SACS: variants seen among roughly 807,000 people sequenced by gnomAD.
SACS encodes sacsin molecular chaperone, also known as sacsin.
SACS carries 197 observed loss-of-function variants against 348.0 expected under a neutral mutation model. The ratio of observed to expected loss-of-function variants is 0.57; its 90% CI spans 0.50 to 0.64. SACS has a LOEUF of 0.64. Ranked by LOEUF, SACS falls within the 30% of genes least tolerant of loss-of-function variation. The probability of loss-of-function intolerance (pLI) is 0.00; values close to 1 mark genes in which losing one functional copy is unlikely to be tolerated. For missense variants in SACS, 4,999 were observed against 5,360.8 expected (o/e 0.93, Z 2.11); for synonymous variants, 1,985 against 1,910.6 (o/e 1.04, Z -1.02).
rs767207363 is a variant in SACS at position 23,336,999 on chromosome 13, C to T, written c.6877G>A (p.Val2293Ile). Residue 2293 changes from valine (V) to isoleucine (I), a missense_variant, in exon 10 of 10, where the codon GTT (valine) becomes ATT (isoleucine). Val to Ile is a conservative substitution (Grantham distance 29). Coordinates refer to ENST00000382292, the MANE Select transcript of SACS (RefSeq NM_014363.6). ...GCTACTTCTTTCAATTGGTTTATAA[C>T]CAGATCAACTGTTGGCTTCTTGAGT... The part of the protein sequence containing the change: ...GLLKKPTVDL[V>I]INQLKEVAKS... 3 of 1,613,828 alleles carry T rather than the reference C, an allele frequency of 1.9e-6. No individual in the cohort carries two copies.
In SACS at chr13:23,336,856, C is replaced by G. The variant is rs1389589899; in HGVS notation, c.7020G>C (p.Lys2340Asn). ...CTAGAATGAAGCTAAAGGGTTTTAA[C>G]TTATCAATAATTGACATCTTAGTGA... ...NEITKMSIID[K>N]LKPFSFILVE... The change falls in exon 10 of 10, where the codon AAG (lysine) becomes AAC (asparagine). Residue 2340 changes from lysine (K) to asparagine (N), a missense_variant. Around this residue, in one of 6 missense-constraint regions of SACS, gnomAD observed 3,156 missense variants for 3,380.1 expected, o/e 0.93. Coordinates refer to ENST00000382292, the MANE Select transcript of SACS (RefSeq NM_014363.6). The G allele has an allele frequency of 6.2e-7, 1 of 1,613,538 alleles. No homozygotes were observed. Among genetic ancestry groups the G allele is most frequent in the Admixed American group, 1.7e-5 (1 of 59,954 alleles).
At chr13:23,380,141 G>T (rs202188950) in intron 2 of SACS, among the ~76,000 whole-genome samples, 8 of 113,438 alleles carry the variant, frequency 7.1e-5, no homozygotes, top group East Asian at 3.0e-4. Context: ...GTGTGTGTGT[G>T]TGTGTGTGAG....
intron 2 of SACS, among the ~76,000 whole-genome samples, chr13:23,385,196 G>C (rs1872240033): frequency 6.6e-6 from 1 of 151,700 alleles, no homozygotes; most frequent in Non-Finnish European, 1.5e-5. Context: ...ACATCATCAG[G>C]CTCCACTGCT....
At chr13:23,390,173 T>C (rs1267386825) in intron 2 of SACS, among the ~76,000 whole-genome samples, 1 of 152,232 alleles carries the variant, frequency 6.6e-6, no homozygotes, top group African/African-American at 2.4e-5. Flanking sequence ...GAATTAGTGC[T>C]TTATTTCTGC....
At chr13:23,414,613 G>A (rs546149365) in intron 1 of SACS, among the ~76,000 whole-genome samples, 30 of 152,272 alleles carry the variant, frequency 2.0e-4, no homozygotes, top group East Asian at 9.6e-4. Context: ...ATCACCAGGC[G>A]TGTTTGATAA....
rs530746060 is a variant in SACS at position 23,402,776 on chromosome 13, G to A, written c.20+8444C>T. ...AGAAGGTCATTTTCTGGCAGGCCCA[G>A]GAACCTTAGGACCCAGAAAAGAGGA... On this transcript the variant is annotated intron_variant, in intron 2 of 9. Transcript: ENST00000382292. Among the ~76,000 whole-genome samples, 47 of 152,272 alleles carry A rather than the reference G, an allele frequency of 3.1e-4. 1 individual carries two copies. The highest frequency in any genetic ancestry group is 5.9e-4 in the Non-Finnish European group (40 of 68,000).
chr13:23,421,450 C>T (rs1200154755), intron 1 of SACS, among the ~76,000 whole-genome samples: 2 of 152,078 alleles, frequency 1.3e-5, no homozygotes, highest in Non-Finnish European at 2.9e-5. Context: ...CCACCTCAAG[C>T]CTATTGTACT....
At chr13:23,425,389 A>C (rs1434340150) in intron 1 of SACS, among the ~76,000 whole-genome samples, 1 of 152,016 alleles carries the variant, frequency 6.6e-6, no homozygotes, top group Non-Finnish European at 1.5e-5. Flanking sequence ...CCTATGTGCC[A>C]AACTGGGACC....
intron 2 of SACS, among the ~76,000 whole-genome samples, chr13:23,407,235 G>A (rs1355590012): frequency 6.6e-6 from 1 of 152,138 alleles, no homozygotes; most frequent in Non-Finnish European, 1.5e-5. Context: ...GTCTTGCTCT[G>A]TTGTCCAGGC....
intron 2 of SACS, among the ~76,000 whole-genome samples, chr13:23,400,282 T>TG (rs760801599): frequency 6.6e-6 from 1 of 152,306 alleles, no homozygotes; most frequent in Non-Finnish European, 1.5e-5. Flanking sequence ...TAAGTCACAA[T>TG]ATATAGGGTC....
At chr13:23,356,030 T>C (rs1870364854) in intron 7 of SACS, 23 bp from the exon 8 acceptor site, 5 of 1,590,156 alleles carry the variant, frequency 3.1e-6, no homozygotes, top group Non-Finnish European at 3.4e-6. Context: ...ATTTAAGTCA[T>C]GATCAACTCT....
intron 2 of SACS, among the ~76,000 whole-genome samples, chr13:23,385,701 C>G (rs1257784242): frequency 6.6e-6 from 1 of 152,244 alleles, no homozygotes; most frequent in East Asian, 1.9e-4. Flanking sequence ...TGAATCCTTT[C>G]CAGGAACTTT....
chr13:23,338,723 G>A lies in SACS; in HGVS notation c.5153C>T (p.Ser1718Phe). Residue 1718 changes from serine (S) to phenylalanine (F), a missense_variant, in exon 10 of 10, where the codon TCC becomes TTC. Ser to Phe is a radical substitution (Grantham distance 155). Transcript: ENST00000382292. Reference protein sequence around the residue: ...AQDTVIIKKKSCSSKALNTPV... With the variant: ...AQDTVIIKKKFCSSKALNTPV... Reference sequence around the variant, plus strand: ...TGTGTTCAATGCTTTGGAAGAGCAGGATTTTTTTTTAATTATTACTGTATC... The same window carrying A: ...TGTGTTCAATGCTTTGGAAGAGCAGAATTTTTTTTTAATTATTACTGTATC... 1.2e-6 allele frequency: 2 copies of A among 1,608,124 alleles called. No individual in the cohort carries two copies. Among genetic ancestry groups the A allele is most frequent in the South Asian group, 1.1e-5 (1 of 89,768 alleles).
At chr13:23,388,554 CAAATA>C (rs910749702) in intron 2 of SACS, among the ~76,000 whole-genome samples, 1 of 144,088 alleles carries the variant, frequency 6.9e-6, no homozygotes, top group African/African-American at 2.6e-5. Context: ...AAAAAACAAA[CAAATA>C]AAATAATGTC....
chr13:23,422,303 T>TTTA (rs1277651870), intron 1 of SACS, among the ~76,000 whole-genome samples: 2 of 152,232 alleles, frequency 1.3e-5, no homozygotes, highest in Non-Finnish European at 2.9e-5. Flanking sequence ...TGTGATGTGC[T>TTTA]TTATTATATC....
At chr13:23,375,613 AC>A (rs1044505540) in intron 2 of SACS, 1 of 976,674 alleles carries the variant, frequency 1.0e-6, no homozygotes. Context: ...GGACACGCCC[AC>A]CCGCCGGGAC....
intron 2 of SACS, among the ~76,000 whole-genome samples, chr13:23,409,374 T>A (rs1006923696): frequency 1.4e-5 from 2 of 142,888 alleles, no homozygotes; most frequent in African/African-American, 5.2e-5. Context: ...TTTTTTTTTT[T>A]AAACATGGTG....
intron 1 of SACS, among the ~76,000 whole-genome samples, chr13:23,418,020 C>G (rs1873752080): frequency 6.8e-6 from 1 of 147,086 alleles, no homozygotes; most frequent in Admixed American, 6.8e-5. Flanking sequence ...TGAGCTTAGA[C>G]TGCATCATTG....
intron 6 of SACS, among the ~76,000 whole-genome samples, chr13:23,359,264 T>C (rs952020603): frequency 1.3e-5 from 2 of 152,222 alleles, no homozygotes; most frequent in African/African-American, 4.8e-5. Flanking sequence ...TTTGTTTTAA[T>C]ATATAACCAT....
Sources: allele counts gnomAD v4.1 joint callset (sites outside exome capture counted in the v4.1 genomes callset), GRCh38; gene constraint gnomAD v4.1.1; regional missense constraint gnomAD v4.1.1; transcripts MANE v1.5; gene names NCBI Gene and HGNC (gene_info 2026-07-23, HGNC 2026-07-21).